Variants in CELSR1 observed in about 807,000 individuals in gnomAD.
CELSR1 encodes adhesion G protein-coupled receptor C1.
CELSR1 carries 110 observed loss-of-function variants against 249.1 expected under a neutral mutation model. That is an observed-to-expected ratio of 0.44 (90% confidence interval 0.38 to 0.52). CELSR1 has a LOEUF of 0.52. Among genes scored for constraint, CELSR1 ranks in the 20% least tolerant of loss-of-function variants. CELSR1 has a pLI of 0.00. For synonymous variants in CELSR1, 2,113 were observed against 1,900.0 expected, an observed-to-expected ratio of 1.11 and a Z score of -2.92; for missense variants, 4,109 against 4,296.4, an observed-to-expected ratio of 0.96 and a Z score of 1.22.
intron 2 of CELSR1, among the ~76,000 whole-genome samples, chr22:46,452,768 A>C (rs2079901118): frequency 6.6e-6 from 1 of 152,222 alleles, no homozygotes; most frequent in Non-Finnish European, 1.5e-5. Context: ...GACAGGGCCC[A>C]GCCAACACTT....
In CELSR1 at chr22:46,398,594, C is replaced by A; in HGVS notation, c.5456G>T (p.Arg1819Met). The A allele has an allele frequency of 6.2e-7, 1 of 1,613,992 alleles. No homozygotes were observed. The highest frequency in any genetic ancestry group is 8.5e-7 in the Non-Finnish European group (1 of 1,179,958). ...AGAGGCGCCTCCGACCACCACGCTC[C>A]TTACCGTCAGCCCGGGAAGCATGCC... ...IGGMLPGLTVRSVVVGGASED... is the reference protein window; with the variant it reads ...IGGMLPGLTVMSVVVGGASED... Residue 1819 changes from arginine to methionine, a missense_variant, in exon 11 of 35, where the codon AGG (arginine) becomes ATG (methionine). By Grantham distance (91) the Arg-to-Met change is moderately conservative (BLOSUM62 -1). Coordinates refer to ENST00000674500, the MANE Select transcript of CELSR1 (RefSeq NM_001378328.1). The surrounding 1 kb of genome is among the most constrained non-coding windows in gnomAD (Gnocchi z 7.2).
In CELSR1 at chr22:46,527,141, A is replaced by T. The variant is rs5768895; in HGVS notation, c.3544+6486T>A. 6.6e-6 allele frequency among the ~76,000 whole-genome samples: 1 copy of T among 151,862 alleles called. No homozygotes were observed. The highest frequency in any genetic ancestry group is 1.5e-5 in the Non-Finnish European group (1 of 67,976). On this transcript the variant is annotated intron_variant, in intron 1 of 34. Transcript: ENST00000674500. This position sits in a 1 kb window ranked among gnomAD's most constrained non-coding sequence, Gnocchi z 5.5. ...TGGAGGTGGCGACGGTACTTTCCAT[A>T]CCACAGTGTGGCGGCTGGAAAACTG...
intron 1 of CELSR1, among the ~76,000 whole-genome samples, chr22:46,482,556 G>A (rs1415491265): frequency 6.6e-6 from 1 of 152,160 alleles, no homozygotes; most frequent in Admixed American, 6.5e-5. Flanking sequence ...CAAGGTCACA[G>A]AGGAAGTGGG....
At chr22:46,510,368 C>T (rs2080560604) in intron 1 of CELSR1, among the ~76,000 whole-genome samples, 1 of 152,084 alleles carries the variant, frequency 6.6e-6, no homozygotes, top group Non-Finnish European at 1.5e-5. Context: ...GGCTGGAACG[C>T]ACCCCCTTCC....
intron 24 of CELSR1, among the ~76,000 whole-genome samples, chr22:46,373,883 TAGG>T (rs1216158285): frequency 3.3e-5 from 5 of 151,802 alleles, no homozygotes; most frequent in African/African-American, 4.8e-5. Context: ...CACAGAAGCG[TAGG>T]AGGAGAACGA....
In CELSR1 at chr22:46,437,318, T is replaced by A. The variant is rs2079674238; in HGVS notation, c.4407-1029A>T. Among the ~76,000 whole-genome samples, 1 of 152,166 alleles carries A rather than the reference T, an allele frequency of 6.6e-6. No homozygotes were observed. The highest frequency in any genetic ancestry group is 2.4e-5 in the African/African-American group (1 of 41,436). ...CCTCCTGAGTGAGCTTGGGACTGGC[T>A]CCTGAGCTGGCTGGGTGTCTCCACC... On this transcript the variant is annotated intron_variant, in intron 3 of 34. Coordinates refer to ENST00000674500, the MANE Select transcript of CELSR1 (RefSeq NM_001378328.1). The surrounding 1 kb of genome is among the most constrained non-coding windows in gnomAD (Gnocchi z 4.9).
At position 46,399,363 on chromosome 22, in the gene CELSR1, C is replaced by T. The variant is rs1177845772; in HGVS notation, c.5412+354G>A. Among the ~76,000 whole-genome samples, 1 of 152,236 alleles carries T rather than the reference C, an allele frequency of 6.6e-6. No individual in the cohort carries two copies. Among genetic ancestry groups the T allele is most frequent in the Non-Finnish European group, 1.5e-5 (1 of 68,036 alleles). On this transcript the variant is annotated intron_variant, in intron 10 of 34. Coordinates refer to ENST00000674500, the MANE Select transcript of CELSR1 (RefSeq NM_001378328.1). The surrounding 1 kb of genome is among the most constrained non-coding windows in gnomAD (Gnocchi z 5.0). ...ATCCATGCTCTGAGGGCACGGGCCC[C>T]AGCATTGCTACTTCAGTACCCTAAA...
At chr22:46,508,141 C>A (rs949034804) in intron 1 of CELSR1, among the ~76,000 whole-genome samples, 2 of 152,062 alleles carry the variant, frequency 1.3e-5, no homozygotes, top group African/African-American at 4.8e-5. Context: ...CAGGCGTAGA[C>A]CCCCTCCCCC....
rs775708356 is a variant in CELSR1 at position 46,535,648 on chromosome 22, T to C, written c.1523A>G (p.Tyr508Cys). Residue 508 changes from tyrosine (Y) to cysteine (C), a missense_variant, in exon 1 of 35, where the codon TAC becomes TGC. By Grantham distance (194) the Tyr-to-Cys change is radical. This residue lies in a region of CELSR1 where 135 missense variants were observed against 190.0 expected (regional missense o/e 0.71). Coordinates refer to ENST00000674500, the MANE Select transcript of CELSR1 (RefSeq NM_001378328.1). ...ILSGNVAGQFYLHSLSGILDV... is the reference protein window; with the variant it reads ...ILSGNVAGQFCLHSLSGILDV... Reference sequence around the variant, plus strand: ...CAGGATCCCGCTCAGCGAGTGCAGGTAGAACTGGCCGGCCACGTTCCCGCT... The same window carrying C: ...CAGGATCCCGCTCAGCGAGTGCAGGCAGAACTGGCCGGCCACGTTCCCGCT... The C allele has an allele frequency of 1.9e-6, 3 of 1,613,314 alleles. No individual in the cohort carries two copies. The highest frequency in any genetic ancestry group is 2.2e-5 in the East Asian group (1 of 44,878).
rs977186246 is a variant in CELSR1 at position 46,436,841 on chromosome 22, C to T, written c.4407-552G>A. Among the ~76,000 whole-genome samples the T allele has an allele frequency of 3.3e-5, 5 of 152,178 alleles. No individual in the cohort carries two copies. The highest frequency in any genetic ancestry group is 1.2e-4 in the African/African-American group (5 of 41,452). The stretch of plus-strand genomic sequence containing the variant: ...CTATGCCAGAAACAATCTTCCCAGG[C>T]TTTGCAGATCACTCAGGGGTCAACC... On this transcript the variant is annotated intron_variant, in intron 3 of 34. Transcript: ENST00000674500. The surrounding 1 kb of genome is among the most constrained non-coding windows in gnomAD (Gnocchi z 5.9).
chr22:46,493,643 C>A (rs974106110), intron 1 of CELSR1, among the ~76,000 whole-genome samples: 2 of 152,086 alleles, frequency 1.3e-5, no homozygotes, highest in African/African-American at 4.8e-5. Flanking sequence ...ACGATTCCCA[C>A]GTGTTGTGGC....
Position 46,406,247 on chromosome 22 carries a change from G to T in CELSR1, c.5226+2749C>A, listed in dbSNP as rs945929227. Among the ~76,000 whole-genome samples, 1 of 152,170 alleles carries T rather than the reference G, an allele frequency of 6.6e-6. No individual in the cohort carries two copies. The highest frequency in any genetic ancestry group is 1.5e-5 in the Non-Finnish European group (1 of 68,044). ...GAAAATACCATCCCCAGGCAGCACC[G>T]CACTTGCCAAGTTTTGGCCTGGAGC... On this transcript the variant is annotated intron_variant, in intron 9 of 34. Transcript: ENST00000674500. This position sits in a 1 kb window ranked among gnomAD's most constrained non-coding sequence, Gnocchi z 5.4.
At position 46,535,263 on chromosome 22, in the gene CELSR1, G is replaced by A. The variant is rs567069954; in HGVS notation, c.1908C>T (p.Ser636=). The A allele has an allele frequency of 5.0e-6, 8 of 1,610,348 alleles. No individual in the cohort carries two copies. The East Asian group carries it at 6.7e-5, about 13-fold the overall frequency. ...PDFPFQIHNS[S]GWITVCAELD... is the part of the protein sequence containing the mutation. ...GCTCGGCACACACTGTGATCCAACC[G>A]GAGCTGTTGTGGATCTGGAAGGGGA... Residue 636 remains serine, a synonymous_variant, in exon 1 of 35, where the codon TCC becomes TCT. Coordinates refer to ENST00000674500, the MANE Select transcript of CELSR1 (RefSeq NM_001378328.1).
At position 46,384,654 on chromosome 22, in the gene CELSR1, A is replaced by G; in HGVS notation, c.6772T>C (p.Phe2258Leu). The part of the protein sequence containing the change: ...LAVDIFDKFN[F>L]TGARVPRFDT... ...AATCGCGGGACCCTGGCTCCCGTAA[A>G]GTTGAACTTGTCAAAGATGTCGACA... Residue 2258 changes from phenylalanine to leucine, a missense_variant, in exon 20 of 35, where the codon TTT (phenylalanine) becomes CTT (leucine). By Grantham distance (22) the Phe-to-Leu change is conservative. Coordinates refer to ENST00000674500, the MANE Select transcript of CELSR1 (RefSeq NM_001378328.1). 6.2e-7 allele frequency: 1 copy of G among 1,613,476 alleles called. No individual in the cohort carries two copies. The highest frequency in any genetic ancestry group is 1.1e-5 in the South Asian group (1 of 90,838).
At chr22:46,369,534 C>T (rs935141787) in intron 26 of CELSR1, among the ~76,000 whole-genome samples, 158 bp downstream of exon 26, 12 of 152,326 alleles carry the variant, frequency 7.9e-5, no homozygotes, top group African/African-American at 2.6e-4. Context: ...GGGTGAGGTC[C>T]GGGAGGGCCC....
rs1011163229 is a variant in CELSR1, at chr22:46,390,189, G to A, written c.6345+203C>T. On this transcript the variant is annotated intron_variant, in intron 17 of 34. Transcript: ENST00000674500. The surrounding 1 kb of genome is among the most constrained non-coding windows in gnomAD (Gnocchi z 6.3). Reference sequence around the variant, plus strand: ...TCCTCTGGGGGAGAGAAGTCCACGTGGGGGTGCCTGGCTCAGGTGCCAACA... The same window carrying A: ...TCCTCTGGGGGAGAGAAGTCCACGTAGGGGTGCCTGGCTCAGGTGCCAACA... Among the ~76,000 whole-genome samples, 1 of 152,196 alleles carries A rather than the reference G, an allele frequency of 6.6e-6. No individual in the cohort carries two copies. Among genetic ancestry groups the A allele is most frequent in the Non-Finnish European group, 1.5e-5 (1 of 68,024 alleles).
intron 32 of CELSR1, among the ~76,000 whole-genome samples, 190 bp downstream of exon 32, chr22:46,365,041 G>T (rs1361470063): frequency 6.6e-6 from 1 of 152,228 alleles, no homozygotes; most frequent in Admixed American, 6.5e-5. Flanking sequence ...CGCTCAGGGG[G>T]TTGGCCTGGA....
rs1569211618 is a variant in CELSR1 at position 46,512,949 on chromosome 22, C to T, written c.3544+20678G>A. On this transcript the variant is annotated intron_variant, in intron 1 of 34. Transcript: ENST00000674500. This position sits in a 1 kb window ranked among gnomAD's most constrained non-coding sequence, Gnocchi z 5.2. ...GGCGACGTCCTCCTCCAGGCTGGGC[C>T]TCTGTGCTACTCACGCACTGCTGCT... Among the ~76,000 whole-genome samples, 1 of 152,226 alleles carries T rather than the reference C, an allele frequency of 6.6e-6. No homozygotes were observed. Among genetic ancestry groups the T allele is most frequent in the African/African-American group, 2.4e-5 (1 of 41,456 alleles).
chr22:46,475,156 C>G (rs2080195216), intron 1 of CELSR1, among the ~76,000 whole-genome samples: 1 of 152,100 alleles, frequency 6.6e-6, no homozygotes, highest in South Asian at 2.1e-4. Context: ...ATTATTCTGT[C>G]ACAAGATATG....
Sources: gnomAD v4.1 joint callset for allele counts (sites outside exome capture counted in the v4.1 genomes callset) on GRCh38, gnomAD v4.1.1 for gene constraint, gnomAD v4.1.1 regional missense constraint, Gnocchi (gnomAD v3.1) non-coding constraint, MANE v1.5 for transcripts, NCBI Gene and HGNC (gene_info 2026-07-23, HGNC 2026-07-21) for gene names.